The following JARID2 variants were observed in gnomAD, a reference collection of about 807,000 sequenced individuals.
The protein encoded by JARID2 is jumonji and AT-rich interaction domain containing 2.
Under a neutral mutation model 125.6 loss-of-function variants are expected in JARID2, and 21 were observed. The ratio of observed to expected loss-of-function variants is 0.17; its 90% CI spans 0.12 to 0.24. The LOEUF (loss-of-function observed/expected upper bound fraction) is 0.24. Ranked by LOEUF, JARID2 falls within the 10% of genes least tolerant of loss-of-function variation. JARID2 has a pLI of 1.00. For missense variants in JARID2, 1,303 were observed against 1,639.6 expected (o/e 0.79, Z 3.55); for synonymous variants, 736 against 661.6 (o/e 1.11, Z -1.73).
intron 1 of JARID2, among the ~76,000 whole-genome samples, chr6:15,320,145 G>T (rs1458355617): frequency 3.3e-5 from 5 of 152,168 alleles, no homozygotes; most frequent in African/African-American, 1.2e-4. Flanking sequence ...GATCTATGTG[G>T]ATCAGTATCC....
At chr6:15,322,174 T>C (rs1217013525) in intron 1 of JARID2, among the ~76,000 whole-genome samples, 4 of 152,204 alleles carry the variant, frequency 2.6e-5, no homozygotes, top group Non-Finnish European at 4.4e-5. Context: ...AAACACATAA[T>C]TGTAATTTCA....
intron 1 of JARID2, among the ~76,000 whole-genome samples, chr6:15,255,623 G>A (rs1039400361): frequency 6.6e-6 from 1 of 152,100 alleles, no homozygotes; most frequent in Non-Finnish European, 1.5e-5. Flanking sequence ...GTCTGAAGTG[G>A]TAGTGTATTA....
intron 2 of JARID2, among the ~76,000 whole-genome samples, chr6:15,383,725 CCATTTAGCAG>C (rs2127531476): frequency 6.6e-6 from 1 of 152,224 alleles, no homozygotes; most frequent in Admixed American, 6.5e-5. Context: ...GTGTAATTGC[CCATTTAGCAG>C]CATTTACCGT....
At position 15,448,342 on chromosome 6, in the gene JARID2, T is replaced by G. The variant is rs191151370; in HGVS notation, c.324-3664T>G. Among the ~76,000 whole-genome samples the G allele has an allele frequency of 8.3e-4, 126 of 152,364 alleles. 1 individual carries two copies. The highest frequency in any genetic ancestry group is 2.9e-3 in the African/African-American group (121 of 41,574). The stretch of plus-strand genomic sequence containing the variant: ...CAGTTTATCTTTGAGGTCCTGAAAT[T>G]GTAAAATATCTCACAGTGTCTCGCT... On this transcript the variant is annotated intron_variant, in intron 3 of 17. Coordinates refer to ENST00000341776, the MANE Select transcript of JARID2 (RefSeq NM_004973.4).
chr6:15,476,321 G>C (rs904420651), intron 5 of JARID2, among the ~76,000 whole-genome samples: 4 of 152,220 alleles, frequency 2.6e-5, no homozygotes, highest in African/African-American at 7.2e-5. Flanking sequence ...CAAAAGAGCA[G>C]AGTGGCTCTG....
At chr6:15,267,222 C>G (rs1459614385) in intron 1 of JARID2, among the ~76,000 whole-genome samples, 5 of 152,156 alleles carry the variant, frequency 3.3e-5, no homozygotes, top group Non-Finnish European at 7.4e-5. Flanking sequence ...GAGTGTTATT[C>G]TCTTACTCTC....
At chr6:15,260,982 A>T (rs10949289) in intron 1 of JARID2, among the ~76,000 whole-genome samples, 40,619 of 152,024 alleles carry the variant, frequency 0.27, 5,635 homozygotes, top group South Asian at 0.45. Context: ...TTGTCATGTT[A>T]TTTCTTTCCA....
chr6:15,247,744 T>C (rs1169216494), intron 1 of JARID2: 1 of 985,260 alleles, frequency 1.0e-6, no homozygotes, highest in Non-Finnish European at 1.2e-6. Context: ...AGAGAGCTGA[T>C]CCTTATCTAG....
intron 1 of JARID2, among the ~76,000 whole-genome samples, chr6:15,297,252 G>T (rs1171425106): frequency 6.6e-6 from 1 of 152,148 alleles, no homozygotes; most frequent in Non-Finnish European, 1.5e-5. Flanking sequence ...CTGGGTTCGA[G>T]CAGTTCTCTG....
intron 3 of JARID2, among the ~76,000 whole-genome samples, chr6:15,437,059 G>C (rs1020947009): frequency 3.3e-5 from 5 of 152,086 alleles, no homozygotes; most frequent in African/African-American, 9.7e-5. Context: ...CGGTTTTACT[G>C]TTCAGCTTCA....
intron 2 of JARID2, among the ~76,000 whole-genome samples, chr6:15,387,729 T>TC (rs1370463338): frequency 6.6e-6 from 1 of 152,100 alleles, no homozygotes; most frequent in African/African-American, 2.4e-5. Flanking sequence ...TCCTGGTAAG[T>TC]CAGGAAACCC....
At chr6:15,410,461 C>A in intron 3 of JARID2, 96 bp downstream of exon 3, 1 of 1,227,770 alleles carries the variant, frequency 8.1e-7, no homozygotes, top group Non-Finnish European at 1.2e-6. Flanking sequence ...CCCATTCACC[C>A]AATCTCTTGA....
chr6:15,407,525 C>T (rs768323225), intron 2 of JARID2, among the ~76,000 whole-genome samples: 34 of 152,232 alleles, frequency 2.2e-4, no homozygotes, highest in Non-Finnish European at 4.6e-4. Flanking sequence ...TCAGCTAAGA[C>T]TTCAGCTGCT....
intron 1 of JARID2, among the ~76,000 whole-genome samples, chr6:15,246,942 A>C (rs1323211019): frequency 4.6e-5 from 7 of 152,236 alleles, no homozygotes; most frequent in Non-Finnish European, 8.8e-5. Context: ...CTTTGCATGC[A>C]AATGAGCCTG....
chr6:15,414,276 T>C (rs73365205), intron 3 of JARID2, among the ~76,000 whole-genome samples: 4,706 of 152,278 alleles, frequency 0.031, 234 homozygotes, highest in African/African-American at 0.11. Flanking sequence ...TACATTTTTC[T>C]GATGATGCTA....
intron 3 of JARID2, among the ~76,000 whole-genome samples, chr6:15,414,094 A>C (rs1184180446): frequency 1.3e-5 from 2 of 152,170 alleles, no homozygotes; most frequent in African/African-American, 2.4e-5. Context: ...ATCATCAGCA[A>C]AAAAATATGC....
At chr6:15,275,539 C>CA (rs892995778) in intron 1 of JARID2, among the ~76,000 whole-genome samples, 2 of 99,860 alleles carry the variant, frequency 2.0e-5, no homozygotes, top group South Asian at 6.2e-4. Flanking sequence ...CCCCGCCCCC[C>CA]CCCCCGTCTT....
chr6:15,441,996 G>A (rs949952081), intron 3 of JARID2, among the ~76,000 whole-genome samples: 1 of 151,690 alleles, frequency 6.6e-6, no homozygotes, highest in Admixed American at 6.6e-5. Context: ...TAGTCAGGCT[G>A]GTCTCAAACT....
chr6:15,395,238 G>A (rs954014909), intron 2 of JARID2, among the ~76,000 whole-genome samples: 2 of 151,946 alleles, frequency 1.3e-5, no homozygotes, highest in African/African-American at 2.4e-5. Flanking sequence ...TCAGAAATTC[G>A]AAAAGGTGAT....
Sources: gnomAD v4.1 joint callset for allele counts (sites outside exome capture counted in the v4.1 genomes callset) on GRCh38, gnomAD v4.1.1 for gene constraint, MANE v1.5 for transcripts, NCBI Gene and HGNC (gene_info 2026-07-23, HGNC 2026-07-21) for gene names.